GAB2: variants seen among roughly 807,000 people sequenced by gnomAD.
GAB2 encodes the protein GRB2-associated-binding protein 2.
GAB2 carries 26 observed loss-of-function variants against 65.5 expected under a neutral mutation model. That is an observed-to-expected ratio of 0.40 (90% CI 0.29 to 0.55). The LOEUF (loss-of-function observed/expected upper bound fraction) is 0.55. Ranked by LOEUF, GAB2 falls within the 20% of genes least tolerant of loss-of-function variation. The pLI, the probability that GAB2 is intolerant of heterozygous loss-of-function variation, is 0.53. For synonymous variants in GAB2, 321 were observed against 329.6 expected (o/e 0.97, Z 0.28); for missense variants, 884 against 875.8 (o/e 1.01, Z -0.12).
chr11:78,250,133 C>T, intron 3 of GAB2, 24 bp downstream of exon 3: 2 of 1,611,086 alleles, frequency 1.2e-6, no homozygotes, highest in Non-Finnish European at 1.7e-6. Context: ...ACTAACCCAC[C>T]TAATGGCTGT....
chr11:78,285,175 C>T (rs899786461), intron 1 of GAB2, among the ~76,000 whole-genome samples: 14 of 152,180 alleles, frequency 9.2e-5, no homozygotes, highest in Non-Finnish European at 1.9e-4. Flanking sequence ...GTTTCTAGTT[C>T]AGCTGGCATT....
At chr11:78,225,258 T>TA in intron 4 of GAB2, 56 bp from the exon 5 acceptor site, 1 of 1,128,786 alleles carries the variant, frequency 8.9e-7, no homozygotes, top group Non-Finnish European at 1.3e-6. Flanking sequence ...TGTTGACACT[T>TA]ACCCATACCC....
intron 1 of GAB2, among the ~76,000 whole-genome samples, chr11:78,289,569 T>C (rs1866592764): frequency 6.6e-6 from 1 of 152,076 alleles, no homozygotes; most frequent in Admixed American, 6.5e-5. Context: ...ACTTACAATA[T>C]TTACAAAGTT....
At chr11:78,373,726 T>C (rs1017190690) in intron 1 of GAB2, among the ~76,000 whole-genome samples, 1 of 152,210 alleles carries the variant, frequency 6.6e-6, no homozygotes, top group Non-Finnish European at 1.5e-5. Context: ...ACTGGATTAA[T>C]GTAGTCATTG....
At chr11:78,373,963 T>C (rs1856603285) in intron 1 of GAB2, among the ~76,000 whole-genome samples, 1 of 152,216 alleles carries the variant, frequency 6.6e-6, no homozygotes, top group Non-Finnish European at 1.5e-5. Flanking sequence ...AGGAATTAGT[T>C]CTGCTAAGTG....
intron 1 of GAB2, among the ~76,000 whole-genome samples, chr11:78,409,142 T>C (rs139551707): frequency 3.7e-4 from 57 of 152,304 alleles, no homozygotes; most frequent in Admixed American, 5.9e-4. Flanking sequence ...TAGGCTATAA[T>C]ATATCAAGTA....
chr11:78,262,078 T>C (rs570206732), intron 2 of GAB2, among the ~76,000 whole-genome samples: 1 of 152,284 alleles, frequency 6.6e-6, no homozygotes, highest in South Asian at 2.1e-4. Flanking sequence ...AGAATCGTGA[T>C]CAGCGGCAAT....
intron 1 of GAB2, among the ~76,000 whole-genome samples, chr11:78,402,896 T>C (rs1357171905): frequency 6.6e-6 from 1 of 152,120 alleles, no homozygotes; most frequent in Non-Finnish European, 1.5e-5. Context: ...AGTGACCGTA[T>C]TAGGAGGTGG....
intron 3 of GAB2, among the ~76,000 whole-genome samples, chr11:78,235,914 G>C (rs1053577236): frequency 7.9e-5 from 12 of 152,106 alleles, no homozygotes; most frequent in African/African-American, 2.9e-4. Context: ...TATCTTTTCA[G>C]CAACGCCCCA....
intron 1 of GAB2, among the ~76,000 whole-genome samples, chr11:78,291,972 C>T (rs1156690747): frequency 1.3e-5 from 2 of 151,356 alleles, no homozygotes; most frequent in Admixed American, 6.6e-5. Flanking sequence ...ACCACATCTC[C>T]ACCTGGGAGC....
At chr11:78,384,540 G>A (rs1329572583) in intron 1 of GAB2, among the ~76,000 whole-genome samples, 5 of 152,224 alleles carry the variant, frequency 3.3e-5, no homozygotes, top group African/African-American at 1.2e-4. Flanking sequence ...GGGTGCAGAA[G>A]CATCATCCAC....
chr11:78,236,250 A>G (rs1864977178), intron 3 of GAB2, among the ~76,000 whole-genome samples: 1 of 152,208 alleles, frequency 6.6e-6, no homozygotes, highest in Admixed American at 6.5e-5. Flanking sequence ...TGTTCACTGC[A>G]TACTGTAAAA....
intron 1 of GAB2, among the ~76,000 whole-genome samples, chr11:78,310,947 G>T (rs565981247): frequency 6.6e-6 from 1 of 152,124 alleles, no homozygotes; most frequent in Non-Finnish European, 1.5e-5. Flanking sequence ...CCTTACTAAA[G>T]GTTTTTTCTT....
chr11:78,410,480 G>C (rs1264858328), intron 1 of GAB2, among the ~76,000 whole-genome samples: 1 of 152,210 alleles, frequency 6.6e-6, no homozygotes, highest in African/African-American at 2.4e-5. Context: ...CTCCACCCCA[G>C]GTGACAGAGT....
intron 2 of GAB2, among the ~76,000 whole-genome samples, chr11:78,279,398 T>C (rs1357805875): frequency 2.0e-5 from 3 of 152,218 alleles, no homozygotes; most frequent in Non-Finnish European, 2.9e-5. Flanking sequence ...GTCTTACATC[T>C]AGGGGCTCCC....
chr11:78,400,185 C>A (rs1405325947), intron 1 of GAB2, among the ~76,000 whole-genome samples: 1 of 152,200 alleles, frequency 6.6e-6, no homozygotes, highest in Non-Finnish European at 1.5e-5. Context: ...TGGCCCCACA[C>A]CCCATGTGCA....
chr11:78,295,389 GC>G (rs1404394488), intron 1 of GAB2, among the ~76,000 whole-genome samples: 2 of 152,054 alleles, frequency 1.3e-5, no homozygotes, highest in Non-Finnish European at 2.9e-5. Flanking sequence ...CTTTACAAGA[GC>G]CCTGATCATA....
chr11:78,269,304 T>A (rs1427302450), intron 2 of GAB2, among the ~76,000 whole-genome samples: 1 of 152,032 alleles, frequency 6.6e-6, no homozygotes, highest in Non-Finnish European at 1.5e-5. Context: ...TTTCAGTTAA[T>A]AAAACAAAAC....
intron 1 of GAB2, among the ~76,000 whole-genome samples, chr11:78,407,734 GAAAGAAAGAAAGAA>G (rs1185927518): frequency 1.5e-4 from 22 of 147,210 alleles, no homozygotes; most frequent in African/African-American, 4.8e-4. Flanking sequence ...AAGAAAGAAA[GAAAGAAAGAAAGAA>G]AAAGAAAGAA....
Sources: gnomAD v4.1 joint callset for allele counts (sites outside exome capture counted in the v4.1 genomes callset) on GRCh38, gnomAD v4.1.1 for gene constraint, MANE v1.5 for transcripts, NCBI Gene and HGNC (gene_info 2026-07-23, HGNC 2026-07-21) for gene names.